Variants in ENPP3 observed in about 807,000 individuals in gnomAD.
ENPP3 encodes ectonucleotide pyrophosphatase/phosphodiesterase 3.
A neutral mutation model predicts 117.8 loss-of-function variants in ENPP3; 104 were observed. The observed-to-expected ratio is 0.88, with a 90% CI of 0.75 to 1.04. The LOEUF is 1.04. ENPP3 is among the 50% of genes least tolerant of loss of function. The pLI, the probability that ENPP3 is intolerant of heterozygous loss-of-function variation, is 0.00. For synonymous variants in ENPP3, 380 were observed against 349.9 expected (o/e 1.09, Z -0.96); for missense variants, 1,026 against 1,051.9 (o/e 0.98, Z 0.34).
intron 17 of ENPP3, 51 bp from the exon 18 acceptor site, chr6:131,722,176 T>C: frequency 7.6e-7 from 1 of 1,314,150 alleles, no homozygotes; most frequent in Non-Finnish European, 1.1e-6. Context: ...CACAGAGGAG[T>C]TGTTGCTTTC....
In ENPP3 at chr6:131,671,331, A is replaced by G; in HGVS notation, c.642+4A>G. 1 of 1,571,874 alleles carries G rather than the reference A, an allele frequency of 6.4e-7. No homozygotes were observed. The highest frequency in any genetic ancestry group is 8.8e-7 in the Non-Finnish European group (1 of 1,141,874). On this transcript the variant is annotated splice_donor_region_variant and intron_variant, in intron 7 of 24. Transcript: ENST00000357639. Reference sequence around the variant, plus strand: ...AAATCATTACACCATTGTCACGGTAAGTGCTTGACCCAGTGGTAAGACAGG... The same window carrying G: ...AAATCATTACACCATTGTCACGGTAGGTGCTTGACCCAGTGGTAAGACAGG...
intron 3 of ENPP3, among the ~76,000 whole-genome samples, 165 bp downstream of exon 3, chr6:131,650,314 G>T (rs1280394221): frequency 6.6e-6 from 1 of 151,790 alleles, no homozygotes; most frequent in East Asian, 1.9e-4. Context: ...TGATCTCCTG[G>T]GTCCAATTGA....
At chr6:131,672,687 T>C (rs553439932) in intron 7 of ENPP3, among the ~76,000 whole-genome samples, 1 of 151,700 alleles carries the variant, frequency 6.6e-6, no homozygotes, top group South Asian at 2.1e-4. Flanking sequence ...ATATATACCA[T>C]ATATACATAT....
chr6:131,675,304 A>G, intron 9 of ENPP3, 115 bp downstream of exon 9: 1 of 670,280 alleles, frequency 1.5e-6, no homozygotes, highest in Non-Finnish European at 2.7e-6. Flanking sequence ...AAATCTTGGG[A>G]ATCACCATTG....
chr6:131,715,588 C>A (rs571877738), intron 15 of ENPP3, among the ~76,000 whole-genome samples: 1 of 149,084 alleles, frequency 6.7e-6, no homozygotes, highest in African/African-American at 2.5e-5. Flanking sequence ...CTGAGCCACC[C>A]CATCCTTCCT....
chr6:131,640,567 C>G (rs73779843), intron 1 of ENPP3, among the ~76,000 whole-genome samples: 5,433 of 152,242 alleles, frequency 0.036, 325 homozygotes, highest in African/African-American at 0.12. Context: ...AATTTATGTA[C>G]TTCTTAATTA....
intron 9 of ENPP3, 78 bp from the exon 10 acceptor site, chr6:131,676,658 A>T: frequency 2.1e-6 from 2 of 964,162 alleles, no homozygotes; most frequent in South Asian, 2.7e-5. Flanking sequence ...AAGATATTAA[A>T]CTTTCTGAAT....
In ENPP3 at chr6:131,675,125, T is replaced by C. The variant is rs1187461779; in HGVS notation, c.808T>C (p.Phe270Leu). ...MYQGLKAATYFWPGSEVAING... is the reference protein window; with the variant it reads ...MYQGLKAATYLWPGSEVAING... ...TCAAGGTTTAAAAGCCGCTACCTAC[T>C]TTTGGCCCGGATCAGAAGTGGCTAT... Residue 270 changes from phenylalanine (F) to leucine (L), a missense_variant, in exon 9 of 25, where the codon TTT (phenylalanine) becomes CTT (leucine). Coordinates refer to ENST00000357639, the MANE Select transcript of ENPP3 (RefSeq NM_005021.5). The C allele has an allele frequency of 1.2e-6, 2 of 1,613,846 alleles. No individual in the cohort carries two copies. Among genetic ancestry groups the C allele is most frequent in the Non-Finnish European group, 1.7e-6 (2 of 1,179,778 alleles).
chr6:131,671,184 T>A, intron 6 of ENPP3, 64 bp from the exon 7 acceptor site: 1 of 906,400 alleles, frequency 1.1e-6, no homozygotes, highest in Non-Finnish European at 1.8e-6. Flanking sequence ...ATGTTCAGAT[T>A]TTTAGTTATC....
At chr6:131,667,383 TG>T (rs1052300566) in intron 6 of ENPP3, among the ~76,000 whole-genome samples, 1 of 152,108 alleles carries the variant, frequency 6.6e-6, no homozygotes, top group African/African-American at 2.4e-5. Flanking sequence ...AGCTGGGAGT[TG>T]GGGTTATTGC....
intron 5 of ENPP3, among the ~76,000 whole-genome samples, chr6:131,656,849 T>C (rs1778395745): frequency 6.6e-6 from 1 of 152,174 alleles, no homozygotes; most frequent in African/African-American, 2.4e-5. Flanking sequence ...AAGGGTGTTT[T>C]AGCTACAAGA....
At chr6:131,648,603 C>T (rs1562426480) in intron 2 of ENPP3, among the ~76,000 whole-genome samples, 1 of 152,078 alleles carries the variant, frequency 6.6e-6, no homozygotes, top group Non-Finnish European at 1.5e-5. Context: ...AATAAATATT[C>T]ATAGAATAAA....
At position 131,652,411 on chromosome 6, in the gene ENPP3, T is replaced by G. The variant is rs371703605; in HGVS notation, c.278-131T>G. The G allele has an allele frequency of 1.3e-5, 12 of 937,212 alleles. No homozygotes were observed. In the East Asian group the frequency reaches 1.4e-4, roughly 11 times the overall value. The allele number at this position is 937,212 out of a possible 1,614,324, so 58.1% of individuals were successfully genotyped here. A position where few individuals can be genotyped will look rare whatever the true frequency, so the allele number is the denominator to read the frequency against. ...GGTTTGCCCCTCATTTGGTATTATG[T>G]ATTTTCATTTATTAATACAGATAAA... On this transcript the variant is annotated intron_variant, in intron 3 of 24. Transcript: ENST00000357639.
chr6:131,638,356 T>C, intron 1 of ENPP3: 1 of 241,806 alleles, frequency 4.1e-6, no homozygotes, highest in Non-Finnish European at 8.4e-6. Context: ...TCATGAAAAT[T>C]ACAACACAAG....
At chr6:131,659,710 G>T (rs1479014249) in intron 6 of ENPP3, among the ~76,000 whole-genome samples, 1 of 152,168 alleles carries the variant, frequency 6.6e-6, no homozygotes, top group Non-Finnish European at 1.5e-5. Context: ...CCCTGAGGCA[G>T]ATCTTTAGCA....
chr6:131,746,767 T>C lies in ENPP3; in HGVS notation c.2458-19T>C, dbSNP rs374741765. On this transcript the variant is annotated intron_variant, in intron 24 of 24. Coordinates refer to ENST00000357639, the MANE Select transcript of ENPP3 (RefSeq NM_005021.5). ...ATACTGCCTTGTGAAAAAAAAAGTG[T>C]TGTGCTTTTCTTTTTCAGGAAGGTA... 3 of 1,584,752 alleles carry C rather than the reference T, an allele frequency of 1.9e-6. No individual in the cohort carries two copies. Among genetic ancestry groups the C allele is most frequent in the Non-Finnish European group, 2.6e-6 (3 of 1,170,530 alleles).
In ENPP3 at chr6:131,722,288, GA is replaced by G; in HGVS notation, c.1631del (p.Lys544ArgfsTer46). The G allele has an allele frequency of 6.2e-7, 1 of 1,614,074 alleles. No individual in the cohort carries two copies. The highest frequency in any genetic ancestry group is 8.5e-7 in the Non-Finnish European group (1 of 1,179,954). On this transcript the variant is annotated frameshift_variant, in exon 18 of 25. Transcript: ENST00000357639. LOFTEE classifies it high-confidence loss of function. ...CCCATGGTAGTTTAAACCATCTTCT[GA>G]AGGTGCCTTTTTATGAGCCATCCCA... ...GTHGSLNHLLKVPFYEPSHAE... is the reference protein window; with the variant it reads ...GTHGSLNHLLXVPFYEPSHAE...
chr6:131,661,442 T>A (rs1778497340), intron 6 of ENPP3, among the ~76,000 whole-genome samples: 1 of 152,010 alleles, frequency 6.6e-6, no homozygotes, highest in African/African-American at 2.4e-5. Flanking sequence ...ATCTCATTTT[T>A]AAATTTTTAT....
intron 6 of ENPP3, among the ~76,000 whole-genome samples, chr6:131,661,997 C>T (rs1045457685): frequency 1.3e-5 from 2 of 152,064 alleles, no homozygotes; most frequent in South Asian, 4.1e-4. Flanking sequence ...CAGATTTTCC[C>T]GTATGTTTCC....
Sources: allele counts gnomAD v4.1 joint callset (sites outside exome capture counted in the v4.1 genomes callset), GRCh38; gene constraint gnomAD v4.1.1; transcripts MANE v1.5; gene names NCBI Gene and HGNC (gene_info 2026-07-23, HGNC 2026-07-21).